Variants in LSM12 observed in about 807,000 individuals in gnomAD.
LSM12 encodes the protein LSM12 homolog.
For missense variants in LSM12, 108 were observed against 238.9 expected, an observed-to-expected ratio of 0.45 and a Z score of 3.61; for synonymous variants, 74 against 87.3, an observed-to-expected ratio of 0.85 and a Z score of 0.85.
chr17:44,040,792 GT>G, intron 2 of LSM12, among the ~76,000 whole-genome samples: 1 of 147,080 alleles, frequency 6.8e-6, no homozygotes, highest in African/African-American at 2.5e-5. Flanking sequence ...GGCCAAGATG[GT>G]TAAAACCCTG....
In LSM12 at chr17:44,034,466, C is replaced by T. The variant is rs430882; in HGVS notation, c.*1742G>A. Among the ~76,000 whole-genome samples, 5,315 of 152,170 alleles carry T rather than the reference C, an allele frequency of 0.035. 134 individuals carry two copies. The highest frequency in any genetic ancestry group is 0.065 in the Middle Eastern group (19 of 294). ...ACACACCACTCCAAACCCTGGACCCCCATCTTAAATTATACCCTGCATTAT... is the reference window on the plus strand; with the variant it reads ...ACACACCACTCCAAACCCTGGACCCTCATCTTAAATTATACCCTGCATTAT... On this transcript the variant is annotated 3_prime_UTR_variant, in exon 5 of 5. Transcript: ENST00000293406.
intron 2 of LSM12, among the ~76,000 whole-genome samples, chr17:44,044,128 G>A (rs959526748): frequency 2.6e-5 from 4 of 152,086 alleles, no homozygotes; most frequent in Admixed American, 1.3e-4. Context: ...GACAAGAGTT[G>A]GCTCAGGAAA....
intron 2 of LSM12, among the ~76,000 whole-genome samples, chr17:44,042,712 C>G (rs2049511311): frequency 6.6e-6 from 1 of 152,224 alleles, no homozygotes; most frequent in Non-Finnish European, 1.5e-5. Flanking sequence ...CTACAGGCGC[C>G]TGCCACCACG....
chr17:44,051,873 C>T (rs572105182), intron 2 of LSM12, among the ~76,000 whole-genome samples: 3 of 151,928 alleles, frequency 2.0e-5, no homozygotes, highest in South Asian at 2.1e-4. Flanking sequence ...TTTGAGAGGC[C>T]GAGGCGGGTG....
intron 2 of LSM12, among the ~76,000 whole-genome samples, chr17:44,044,104 C>T (rs1209105071): frequency 6.6e-6 from 1 of 152,042 alleles, no homozygotes; most frequent in Non-Finnish European, 1.5e-5. Context: ...ATAACATCAC[C>T]CCATTTAGTA....
chr17:44,056,169 A>G (rs2049711043), intron 2 of LSM12, among the ~76,000 whole-genome samples: 1 of 151,620 alleles, frequency 6.6e-6, no homozygotes, highest in Non-Finnish European at 1.5e-5. Flanking sequence ...GCTACTTGGG[A>G]GGCTGAGGTA....
intron 2 of LSM12, among the ~76,000 whole-genome samples, chr17:44,043,076 A>C (rs1211999218): frequency 6.6e-6 from 1 of 152,182 alleles, no homozygotes; most frequent in Non-Finnish European, 1.5e-5. Context: ...GCACTTTCTC[A>C]AGGCTTAGGT....
chr17:44,055,169 G>C (rs1230334436), intron 2 of LSM12, among the ~76,000 whole-genome samples: 1 of 151,954 alleles, frequency 6.6e-6, no homozygotes, highest in Non-Finnish European at 1.5e-5. Context: ...TTTTAACTAA[G>C]TTAATCATGA....
At chr17:44,063,975 A>T in intron 1 of LSM12, 41 bp from the exon 2 acceptor site, 1 of 1,605,654 alleles carries the variant, frequency 6.2e-7, no homozygotes, top group Non-Finnish European at 8.5e-7. Flanking sequence ...TAGGACAAGC[A>T]GAGGCACTGA....
In LSM12 at chr17:44,056,788, G is replaced by T. The variant is rs1004073129; in HGVS notation, c.258+7013C>A. Among the ~76,000 whole-genome samples, 9 of 152,258 alleles carry T rather than the reference G, an allele frequency of 5.9e-5. No individual in the cohort carries two copies. The South Asian group carries it at 1.9e-3, about 32-fold the overall frequency. Reference sequence around the variant, plus strand: ...CGAGGCAAATCACCTGAGGTCGGGAGTTCAAGAACAGTCTGACCAACATGG... The same window carrying T: ...CGAGGCAAATCACCTGAGGTCGGGATTTCAAGAACAGTCTGACCAACATGG... On this transcript the variant is annotated intron_variant, in intron 2 of 4. Transcript: ENST00000293406.
intron 3 of LSM12, among the ~76,000 whole-genome samples, chr17:44,038,580 G>A (rs1055304663): frequency 2.0e-5 from 3 of 152,120 alleles, no homozygotes; most frequent in African/African-American, 7.2e-5. Context: ...GCTTGAACCT[G>A]GGAGGCAGAG....
intron 2 of LSM12, among the ~76,000 whole-genome samples, chr17:44,060,183 A>T (rs1475476053): frequency 6.6e-6 from 1 of 152,068 alleles, no homozygotes; most frequent in Non-Finnish European, 1.5e-5. Flanking sequence ...AATAAATAAA[A>T]TAAAATAAAT....
intron 4 of LSM12, chr17:44,037,132 G>A (rs1283933290): frequency 3.5e-6 from 1 of 284,540 alleles, no homozygotes; most frequent in African/African-American, 2.2e-5. Context: ...TATGGGATGA[G>A]AGAAACTGCT....
chr17:44,042,862 T>G lies in LSM12; in HGVS notation c.259-2606A>C, dbSNP rs1018362574. Among the ~76,000 whole-genome samples the G allele has an allele frequency of 3.9e-5, 6 of 152,140 alleles. No individual in the cohort carries two copies. In the South Asian group the frequency reaches 1.2e-3, roughly 32 times the overall value. ...GATTACAGGCGTGAGCTACCACACC[T>G]GGCCATTTTTTTGTATTTTTAGTAG... On this transcript the variant is annotated intron_variant, in intron 2 of 4. Transcript: ENST00000293406.
At chr17:44,049,632 T>A (rs2049616747) in intron 2 of LSM12, among the ~76,000 whole-genome samples, 1 of 152,098 alleles carries the variant, frequency 6.6e-6, no homozygotes, top group Non-Finnish European at 1.5e-5. Flanking sequence ...CGCAGTGACA[T>A]GGAAGGAAAA....
At chr17:44,059,085 C>A (rs981020444) in intron 2 of LSM12, among the ~76,000 whole-genome samples, 3 of 152,016 alleles carry the variant, frequency 2.0e-5, no homozygotes, top group Non-Finnish European at 4.4e-5. Context: ...TCACTTGAGG[C>A]TATGAGCCAG....
At chr17:44,066,941 A>G (rs1270447209), upstream of LSM12, among the ~76,000 whole-genome samples, 1 of 152,188 alleles carries the variant, frequency 6.6e-6, no homozygotes, top group Non-Finnish European at 1.5e-5. Context: ...AATTTTATAA[A>G]ATATGTTAAC....
intron 2 of LSM12, among the ~76,000 whole-genome samples, chr17:44,047,061 A>T (rs228755): frequency 0.91 from 138,440 of 152,102 alleles, 63,107 homozygotes; most frequent in East Asian, 1. Flanking sequence ...TCTGCCACCT[A>T]CTCACCAACA....
chr17:44,040,017 C>CATATT, intron 3 of LSM12, 130 bp downstream of exon 3: 1 of 610,156 alleles, frequency 1.6e-6, no homozygotes, highest in East Asian at 2.9e-5. Context: ...TGGATGCTGG[C>CATATT]ATATTGCCAA....
Sources: allele counts gnomAD v4.1 joint callset (sites outside exome capture counted in the v4.1 genomes callset), GRCh38; gene constraint gnomAD v4.1.1; transcripts MANE v1.5; gene names NCBI Gene and HGNC (gene_info 2026-07-23, HGNC 2026-07-21).